The following ANKRA2 variants were observed in gnomAD, a reference collection of about 807,000 sequenced individuals.
ANKRA2 encodes ankyrin repeat family A member 2, also known as ankyrin repeat family A protein 2.
A neutral mutation model predicts 37.8 loss-of-function variants in ANKRA2; 33 were observed. That is an observed-to-expected ratio of 0.87 (90% CI 0.66 to 1.17). The LOEUF is 1.17. Ranked by LOEUF, ANKRA2 falls within the 50% of genes most tolerant of loss-of-function variation. The pLI is 0.00. For synonymous variants in ANKRA2, 126 were observed against 132.3 expected (o/e 0.95, Z 0.33); for missense variants, 326 against 373.7 (o/e 0.87, Z 1.05).
In ANKRA2 at chr5:73,557,684, A is replaced by G. The variant is rs758076210; in HGVS notation, c.449-44T>C. 4 of 1,396,352 alleles carry G rather than the reference A, an allele frequency of 2.9e-6. No individual in the cohort carries two copies. In the South Asian group the frequency reaches 3.7e-5, roughly 13 times the overall value. The allele number at this position is 1,396,352 out of a possible 1,614,324, so 86.5% of individuals were successfully genotyped here. Reference sequence around the variant, plus strand: ...ATGCTTCATGAATTATCTATAGGGTACACTTGCATCATCCCATGGTTCATG... The same window carrying G: ...ATGCTTCATGAATTATCTATAGGGTGCACTTGCATCATCCCATGGTTCATG... On this transcript the variant is annotated intron_variant, in intron 3 of 8. Coordinates refer to ENST00000296785, the MANE Select transcript of ANKRA2 (RefSeq NM_023039.5).
intron 7 of ANKRA2, 116 bp from the exon 8 acceptor site, chr5:73,553,602 T>C: frequency 2.3e-6 from 2 of 869,858 alleles, no homozygotes; most frequent in South Asian, 1.6e-5. Flanking sequence ...TGTTTTAGGA[T>C]AGTCTGACAA....
At chr5:73,561,089 TACATTAAG>T in intron 3 of ANKRA2, 33 bp downstream of exon 3, 1 of 1,538,084 alleles carries the variant, frequency 6.5e-7, no homozygotes, top group Non-Finnish European at 8.8e-7. Context: ...TTGAAAGTAT[TACATTAAG>T]AATATAGTAA....
At chr5:73,558,877 T>A (rs928474896) in intron 3 of ANKRA2, among the ~76,000 whole-genome samples, 3 of 152,204 alleles carry the variant, frequency 2.0e-5, no homozygotes, top group South Asian at 4.1e-4. Flanking sequence ...GCTAATTAGC[T>A]GTGTGATGTT....
In ANKRA2 at chr5:73,557,601, A is replaced by C; in HGVS notation, c.488T>G (p.Leu163Arg). 1 of 1,611,008 alleles carries C rather than the reference A, an allele frequency of 6.2e-7. No homozygotes were observed. Among genetic ancestry groups the C allele is most frequent in the Non-Finnish European group, 8.5e-7 (1 of 1,177,642 alleles). The change falls in exon 4 of 9, where the codon CTC becomes CGC. Residue 163 changes from leucine to arginine, a missense_variant. Leu to Arg is a moderately radical substitution (Grantham distance 102, BLOSUM62 -2). Around this residue, in one of 3 missense-constraint regions of ANKRA2, gnomAD observed 228 missense variants for 260.2 expected, o/e 0.88. Coordinates refer to ENST00000296785, the MANE Select transcript of ANKRA2 (RefSeq NM_023039.5). ...TTGTTCGATACGAGTAGCCAGATAGAGCATCTCTCCCTGAGCAGCCAACTG... is the reference window on the plus strand; with the variant it reads ...TTGTTCGATACGAGTAGCCAGATAGCGCATCTCTCCCTGAGCAGCCAACTG... ...VHQLAAQGEM[L>R]YLATRIEQEN...
rs760877706 is a variant in ANKRA2 at position 73,555,012 on chromosome 5, A to T, written c.613-26T>A. 6 of 1,595,940 alleles carry T rather than the reference A, an allele frequency of 3.8e-6. No homozygotes were observed. The East Asian group carries it at 6.7e-5, about 18-fold the overall frequency. On this transcript the variant is annotated intron_variant, in intron 5 of 8. Coordinates refer to ENST00000296785, the MANE Select transcript of ANKRA2 (RefSeq NM_023039.5). The stretch of plus-strand genomic sequence containing the variant: ...CTGGTATGGGAAGTAGAGATAAAAG[A>T]CTTCTCAATTAGTTTAAACAAGAAT...
intron 6 of ANKRA2, 38 bp from the exon 7 acceptor site, chr5:73,554,426 G>T: frequency 7.0e-7 from 1 of 1,429,308 alleles, no homozygotes; most frequent in South Asian, 1.2e-5. Flanking sequence ...TTTTCACGGT[G>T]AGCAAGACTC....
chr5:73,554,862 C>G lies in ANKRA2; in HGVS notation c.737G>C (p.Trp246Ser). The stretch of plus-strand genomic sequence containing the variant: ...TTAAATTTAGTATTACAAACTTACC[C>G]AATCATATTCATTTACATCAACTCC... ...DCGVDVNEYD[W>S]NGGTPLLYAV... Residue 246 changes from tryptophan to serine, a missense_variant and splice_region_variant, in exon 6 of 9, where the codon TGG (tryptophan) becomes TCG (serine). Coordinates refer to ENST00000296785, the MANE Select transcript of ANKRA2 (RefSeq NM_023039.5). 5.0e-6 allele frequency: 8 copies of G among 1,612,042 alleles called. No individual in the cohort carries two copies. The highest frequency in any genetic ancestry group is 6.8e-6 in the Non-Finnish European group (8 of 1,179,334).
chr5:73,554,422 C>G, intron 6 of ANKRA2, 34 bp from the exon 7 acceptor site: 1 of 1,481,518 alleles, frequency 6.7e-7, no homozygotes, highest in Non-Finnish European at 9.4e-7. Context: ...GAGTTTTTCA[C>G]GGTGAGCAAG....
chr5:73,554,271 A>T (rs746577938), intron 7 of ANKRA2, 51 bp downstream of exon 7: 1 of 1,529,436 alleles, frequency 6.5e-7, no homozygotes, highest in Non-Finnish European at 9.0e-7. Context: ...CCAGGTCGAA[A>T]AAATAAAATC....
At chr5:73,559,586 TAAG>T (rs1021818181) in intron 3 of ANKRA2, among the ~76,000 whole-genome samples, 4 of 152,206 alleles carry the variant, frequency 2.6e-5, no homozygotes, top group Non-Finnish European at 2.9e-5. Context: ...CCTTGAACTC[TAAG>T]AAGATGAAAA....
chr5:73,559,356 T>G (rs954415386), intron 3 of ANKRA2, among the ~76,000 whole-genome samples: 12 of 152,206 alleles, frequency 7.9e-5, no homozygotes, highest in Non-Finnish European at 1.8e-4. Flanking sequence ...GTTTTTCTTT[T>G]TTTTAACATA....
intron 1 of ANKRA2, among the ~76,000 whole-genome samples, chr5:73,564,129 GAAGT>G (rs1747641206): frequency 6.6e-6 from 1 of 151,078 alleles, no homozygotes; most frequent in African/African-American, 2.4e-5. Flanking sequence ...AAAAAAGCAG[GAAGT>G]AAGAAGGTTA....
intron 4 of ANKRA2, among the ~76,000 whole-genome samples, chr5:73,557,102 TA>T (rs5868685): frequency 0.65 from 96,266 of 148,256 alleles, 31,887 homozygotes; most frequent in East Asian, 0.83. Flanking sequence ...GGGGGGCAGT[TA>T]AAAAAAAAAA....
rs117172474 is a variant in ANKRA2 at position 73,558,586 on chromosome 5, G to A, written c.449-946C>T. 7.7e-4 allele frequency among the ~76,000 whole-genome samples: 117 copies of A among 152,260 alleles called. 1 individual carries two copies. In the East Asian group the frequency reaches 0.02, roughly 26 times the overall value. On this transcript the variant is annotated intron_variant, in intron 3 of 8. Coordinates refer to ENST00000296785, the MANE Select transcript of ANKRA2 (RefSeq NM_023039.5). ...GTCTCGCTTTATCACCCAGGCTTGA[G>A]TGCAGTGGTGTGATCTCAGCTCACT...
At chr5:73,560,749 T>C (rs1198576251) in intron 3 of ANKRA2, among the ~76,000 whole-genome samples, 1 of 152,168 alleles carries the variant, frequency 6.6e-6, no homozygotes, top group African/African-American at 2.4e-5. Context: ...AGTCCTCCTG[T>C]CTAGCTAAAA....
rs536873875 is a variant in ANKRA2 at position 73,558,639 on chromosome 5, A to T, written c.449-999T>A. On this transcript the variant is annotated intron_variant, in intron 3 of 8. Transcript: ENST00000296785. Reference sequence around the variant, plus strand: ...AGCCTCAACCTTCTGGGCTCAAGTGATCCTCCTGCCTCAGTGCCCCAAATA... The same window carrying T: ...AGCCTCAACCTTCTGGGCTCAAGTGTTCCTCCTGCCTCAGTGCCCCAAATA... Among the ~76,000 whole-genome samples the T allele has an allele frequency of 3.0e-3, 451 of 152,280 alleles. 3 individuals are homozygous for T. The highest frequency in any genetic ancestry group is 4.6e-3 in the Non-Finnish European group (316 of 68,028).
chr5:73,556,032 G>A (rs1747390673), intron 4 of ANKRA2, among the ~76,000 whole-genome samples: 1 of 152,180 alleles, frequency 6.6e-6, no homozygotes, highest in Admixed American at 6.5e-5. Flanking sequence ...ATAGCCCTCA[G>A]AATTACAGAA....
chr5:73,554,735 G>C, intron 6 of ANKRA2, 126 bp downstream of exon 6: 1 of 1,146,490 alleles, frequency 8.7e-7, no homozygotes, highest in African/African-American at 1.6e-5. Context: ...CAAGTGGCTG[G>C]GACTACAGGT....
Position 73,560,711 on chromosome 5 carries a change from C to T in ANKRA2, c.448+419G>A, listed in dbSNP as rs536151497. ...TTCAGTGCATTATATTTATTATAGT[C>T]ACCATTGTGTACAACAGGTCATTAA... On this transcript the variant is annotated intron_variant, in intron 3 of 8. Transcript: ENST00000296785. Among the ~76,000 whole-genome samples, 58 of 152,162 alleles carry T rather than the reference C, an allele frequency of 3.8e-4. No individual in the cohort carries two copies. In the South Asian group the frequency reaches 0.012, roughly 31 times the overall value.
Sources: gnomAD v4.1 joint callset for allele counts (sites outside exome capture counted in the v4.1 genomes callset) on GRCh38, gnomAD v4.1.1 for gene constraint, gnomAD v4.1.1 regional missense constraint, MANE v1.5 for transcripts, NCBI Gene and HGNC (gene_info 2026-07-23, HGNC 2026-07-21) for gene names.